The following PDIA6 variants were observed in gnomAD, a reference collection of about 807,000 sequenced individuals.
PDIA6 encodes the protein protein disulfide isomerase family A member 6.
Under a neutral mutation model 58.4 loss-of-function variants are expected in PDIA6, and 29 were observed. That is an observed-to-expected ratio of 0.50 (90% CI 0.37 to 0.68). PDIA6 has a LOEUF of 0.68. PDIA6 is among the 30% of genes least tolerant of loss of function. The probability of loss-of-function intolerance (pLI) is 0.00; values close to 1 mark genes in which losing one functional copy is unlikely to be tolerated. For missense variants in PDIA6, 480 were observed against 551.0 expected, an observed-to-expected ratio of 0.87 and a Z score of 1.29; for synonymous variants, 192 against 202.6, an observed-to-expected ratio of 0.95 and a Z score of 0.44.
At chr2:10,817,753 G>A (rs1667243545), upstream of PDIA6, among the ~76,000 whole-genome samples, 1 of 152,226 alleles carries the variant, frequency 6.6e-6, no homozygotes, top group Non-Finnish European at 1.5e-5. Context: ...TGACAGGGAA[G>A]GAACCCAAGT....
chr2:10,792,724 G>A (rs945649321), intron 5 of PDIA6, among the ~76,000 whole-genome samples: 2 of 115,278 alleles, frequency 1.7e-5, no homozygotes, highest in Non-Finnish European at 4.2e-5. Context: ...CACAGATACA[G>A]GCCAAGAGGT....
chr2:10,792,039 GAATAA>G, intron 5 of PDIA6, 114 bp from the exon 6 acceptor site: 1 of 1,111,910 alleles, frequency 9.0e-7, no homozygotes, highest in Non-Finnish European at 1.3e-6. Context: ...TTTCTTTAGT[GAATAA>G]AATAGTGAAA....
intron 4 of PDIA6, among the ~76,000 whole-genome samples, chr2:10,795,071 C>T (rs1475909080): frequency 6.6e-6 from 1 of 152,210 alleles, no homozygotes; most frequent in East Asian, 1.9e-4. Flanking sequence ...CATGAAACAG[C>T]CTCTGCTCCT....
At chr2:10,816,077 CTTTTTTTTT>C (rs57404091), upstream of PDIA6, among the ~76,000 whole-genome samples, 43 of 96,464 alleles carry the variant, frequency 4.5e-4, 1 homozygote, top group African/African-American at 1.3e-3. Flanking sequence ...AATCATTTGT[CTTTTTTTTT>C]TTTTTTTTTT....
chr2:10,832,765 A>G (rs1308942231), upstream of PDIA6, among the ~76,000 whole-genome samples: 1 of 152,166 alleles, frequency 6.6e-6, no homozygotes, highest in Non-Finnish European at 1.5e-5. Context: ...GCGACCCCAG[A>G]TGAGGCATCT....
rs897678579 is a variant in PDIA6 at position 10,783,785 on chromosome 2, A to ATCACT, written c.*468_*472dup. On this transcript the variant is annotated 3_prime_UTR_variant, in exon 13 of 13. Coordinates refer to ENST00000272227, the MANE Select transcript of PDIA6 (RefSeq NM_005742.4). ...TTGTGGGGAGGAAAGACATCTGTGTATCACTTCAAAATATTGATTTACTGC... is the reference window on the plus strand; with the variant it reads ...TTGTGGGGAGGAAAGACATCTGTGTATCACTTCACTTCAAAATATTGATTTACTGC... 16 of 157,562 alleles carry ATCACT rather than the reference A, an allele frequency of 1.0e-4. No individual in the cohort carries two copies. Among genetic ancestry groups the ATCACT allele is most frequent in the Non-Finnish European group, 2.2e-4 (16 of 71,370 alleles). 9.8% of individuals were successfully genotyped at this position (157,562 alleles called of 1,614,324 possible). A position where few individuals can be genotyped will look rare whatever the true frequency, so the allele number is the denominator to read the frequency against.
upstream of PDIA6, among the ~76,000 whole-genome samples, chr2:10,835,589 G>C (rs1238344692): frequency 6.6e-6 from 1 of 152,176 alleles, no homozygotes. Flanking sequence ...GTGCCAGATC[G>C]GGACGATGTT....
At chr2:10,810,295 T>G in intron 1 of PDIA6, 1 of 1,535,194 alleles carries the variant, frequency 6.5e-7, no homozygotes, top group Non-Finnish European at 8.7e-7. Flanking sequence ...GGCTGGAGAA[T>G]GCAGGGGTAT....
At chr2:10,788,629 A>G (rs1380486883) in intron 10 of PDIA6, 68 bp downstream of exon 10, 4 of 1,046,756 alleles carry the variant, frequency 3.8e-6, no homozygotes, top group Non-Finnish European at 6.0e-6. Flanking sequence ...AACACGGGGG[A>G]ACCACTCTCA....
rs1666431813 is a variant in PDIA6 at position 10,799,913 on chromosome 2, A to G, written c.162-2156T>C. 3.1e-5 allele frequency among the ~76,000 whole-genome samples: 3 copies of G among 96,630 alleles called. No individual in the cohort carries two copies. The South Asian group carries it at 1.2e-3, about 40-fold the overall frequency. 63.4% of individuals were successfully genotyped at this position (96,630 alleles called of 152,430 possible). On this transcript the variant is annotated intron_variant, in intron 2 of 12. Transcript: ENST00000272227. Reference sequence around the variant, plus strand: ...GGGAATCCCTTTTAGGAAAAAAAAGAAAAAAAAAAAAAAAGAATAAATCTG... The same window carrying G: ...GGGAATCCCTTTTAGGAAAAAAAAGGAAAAAAAAAAAAAAGAATAAATCTG...
At chr2:10,792,329 A>C (rs2148539898) in intron 5 of PDIA6, among the ~76,000 whole-genome samples, 1 of 152,354 alleles carries the variant, frequency 6.6e-6, no homozygotes, top group Middle Eastern at 3.4e-3. Context: ...AACAGAGCTA[A>C]AAATAACACT....
rs943929374 is a variant in PDIA6, at chr2:10,806,732, C to T, written c.20-4092G>A. On this transcript the variant is annotated intron_variant, in intron 1 of 12. Transcript: ENST00000272227. ...CCCCCAGTCATGCAAGCTGCATTCA[C>T]GGTAAATGTCCTGTACAGGTGTACT... Among the ~76,000 whole-genome samples the T allele has an allele frequency of 2.6e-5, 4 of 151,910 alleles. No individual in the cohort carries two copies. The South Asian group carries it at 6.3e-4, about 24-fold the overall frequency.
At position 10,802,657 on chromosome 2, in the gene PDIA6, A is replaced by G. The variant is rs757211494; in HGVS notation, c.20-17T>C. ...TCACCAGACCTGAAGATAAAAACAA[A>G]AGTGCACCATTAACAGCACTGTTCA... On this transcript the variant is annotated splice_polypyrimidine_tract_variant and intron_variant, in intron 1 of 12. Transcript: ENST00000272227. The G allele has an allele frequency of 1.3e-5, 18 of 1,417,016 alleles. No homozygotes were observed. Among genetic ancestry groups the G allele is most frequent in the Middle Eastern group, 1.9e-4 (1 of 5,346 alleles). 87.8% of individuals were successfully genotyped at this position (1,417,016 alleles called of 1,614,324 possible). A position where few individuals can be genotyped will look rare whatever the true frequency, so the allele number is the denominator to read the frequency against.
rs754006477 is a variant in PDIA6, at chr2:10,787,393, A to G, written c.1045T>C (p.Leu349=). The part of the protein sequence containing the change: ...AGAQSELETA[L]GIGGFGYPAM... ...GGGTACCCAAACCCTCCAATCCCCA[A>G]CGCGGTCTCAAGTTCAGACTGGGCT... Residue 349 remains leucine, a synonymous_variant, in exon 11 of 13, where the codon TTG becomes CTG. Transcript: ENST00000272227. 6.8e-6 allele frequency: 11 copies of G among 1,614,052 alleles called. No individual in the cohort carries two copies. The highest frequency in any genetic ancestry group is 6.7e-5 in the Admixed American group (4 of 60,002).
chr2:10,829,378 TG>T (rs1292995167), intron 1 of PDIA6, among the ~76,000 whole-genome samples: 1 of 152,230 alleles, frequency 6.6e-6, no homozygotes, highest in African/African-American at 2.4e-5. Flanking sequence ...GTTGAGCAGG[TG>T]GGCTCTGCCC....
In PDIA6 at chr2:10,797,565, T is replaced by C. The variant is rs112316210; in HGVS notation, c.219+135A>G. 3.7e-4 allele frequency: 247 copies of C among 659,700 alleles called. No homozygotes were observed. In the African/African-American group the frequency reaches 3.9e-3, roughly 10 times the overall value. The allele number at this position is 659,700 out of a possible 1,614,324, so 40.9% of individuals were successfully genotyped here. Reference sequence around the variant, plus strand: ...AGAACCAGTATTTTCAACTCTGATATGCAAACTAGCTTCCCATTGAACATT... The same window carrying C: ...AGAACCAGTATTTTCAACTCTGATACGCAAACTAGCTTCCCATTGAACATT... On this transcript the variant is annotated intron_variant, in intron 3 of 12. Transcript: ENST00000272227.
chr2:10,825,256 GTCTCTCTCTGTC>G (rs61409733), intron 1 of PDIA6, among the ~76,000 whole-genome samples: 50 of 81,524 alleles, frequency 6.1e-4, no homozygotes, highest in Non-Finnish European at 9.8e-4. Context: ...CTCTCTCTCT[GTCTCTCTCTGTC>G]TCTCTCTCTG....
At chr2:10,786,313 G>A (rs541083084) in intron 11 of PDIA6, among the ~76,000 whole-genome samples, 12 of 124,492 alleles carry the variant, frequency 9.6e-5, no homozygotes, top group African/African-American at 2.5e-4. Flanking sequence ...ACTCTGTCTC[G>A]GGGGTGGGGG....
At chr2:10,810,150 T>A in intron 1 of PDIA6, 1 of 705,928 alleles carries the variant, frequency 1.4e-6, no homozygotes, top group Non-Finnish European at 2.5e-6. Context: ...ACATTTTGCA[T>A]ATATTAAGTC....
Sources: allele counts gnomAD v4.1 joint callset (sites outside exome capture counted in the v4.1 genomes callset), GRCh38; gene constraint gnomAD v4.1.1; transcripts MANE v1.5; gene names NCBI Gene and HGNC (gene_info 2026-07-23, HGNC 2026-07-21).